Variants in LMBR1 observed in about 807,000 individuals in gnomAD.
LMBR1 encodes limb region 1 protein homolog.
Under a neutral mutation model 73.9 loss-of-function variants are expected in LMBR1, and 52 were observed. The ratio of observed to expected loss-of-function variants is 0.70; its 90% confidence interval spans 0.56 to 0.89. The LOEUF is 0.89. Ranked by LOEUF, LMBR1 falls within the 40% of genes least tolerant of loss-of-function variation. The pLI is 0.00. For synonymous variants in LMBR1, 215 were observed against 209.4 expected (o/e 1.03, Z -0.23); for missense variants, 539 against 579.8 (o/e 0.93, Z 0.72).
Position 156,883,021 on chromosome 7 carries a change from C to T in LMBR1, c.66+9907G>A, listed in dbSNP as rs1008326104. ...ACTCTAGCCTGGGCAACAGACAGTA[C>T]GAGACTCTGACTGAAAAAAAAAATT... On this transcript the variant is annotated intron_variant, in intron 1 of 16. Transcript: ENST00000353442. Among the ~76,000 whole-genome samples the T allele has an allele frequency of 2.0e-5, 3 of 146,636 alleles. No homozygotes were observed. In the Admixed American group the frequency reaches 2.1e-4, roughly 10 times the overall value.
At chr7:156,874,222 C>T (rs1023912863) in intron 1 of LMBR1, among the ~76,000 whole-genome samples, 1 of 152,250 alleles carries the variant, frequency 6.6e-6, no homozygotes, top group African/African-American at 2.4e-5. Flanking sequence ...AGACCCAGCA[C>T]ACCCTCCGCA....
rs184798095 is a variant in LMBR1, at chr7:156,766,798, T to C, written c.424-3003A>G. Reference sequence around the variant, plus strand: ...GAGGCTGAGCCCACTGCTGGCTAGGTTGTCACTCCCTCTCCTCTGAGCGGA... The same window carrying C: ...GAGGCTGAGCCCACTGCTGGCTAGGCTGTCACTCCCTCTCCTCTGAGCGGA... On this transcript the variant is annotated intron_variant, in intron 5 of 16. Coordinates refer to ENST00000353442, the MANE Select transcript of LMBR1 (RefSeq NM_022458.4). 2.3e-3 allele frequency among the ~76,000 whole-genome samples: 355 copies of C among 152,180 alleles called. 2 individuals are homozygous for C. The highest frequency in any genetic ancestry group is 8.0e-3 in the African/African-American group (332 of 41,524).
intron 5 of LMBR1, among the ~76,000 whole-genome samples, chr7:156,781,065 G>C (rs1827048685): frequency 6.6e-6 from 1 of 152,118 alleles, no homozygotes; most frequent in South Asian, 2.1e-4. Context: ...TAATGCAGAA[G>C]ACCATCTTAG....
At chr7:156,697,357 T>C (rs902332662) in intron 15 of LMBR1, among the ~76,000 whole-genome samples, 12 of 152,114 alleles carry the variant, frequency 7.9e-5, no homozygotes, top group African/African-American at 2.2e-4. Context: ...TTGATAAACA[T>C]CTTAAACAAC....
rs1205672704 is a variant in LMBR1, at chr7:156,678,973, G to A, written c.*5105C>T. On this transcript the variant is annotated 3_prime_UTR_variant, in exon 17 of 17. Transcript: ENST00000353442. ...GTTATAATCTAGAATGAGGATACCT[G>A]TCATGAATCTTTATCAACCAGATAA... 1 of 152,174 alleles carries A rather than the reference G, an allele frequency of 6.6e-6. No homozygotes were observed. The highest frequency in any genetic ancestry group is 2.4e-5 in the African/African-American group (1 of 41,440). The allele number at this position is 152,174 out of a possible 1,614,324, so 9.4% of individuals were successfully genotyped here. A position where few individuals can be genotyped will look rare whatever the true frequency, so the allele number is the denominator to read the frequency against.
intron 10 of LMBR1, among the ~76,000 whole-genome samples, chr7:156,729,393 T>C (rs984430255): frequency 6.6e-6 from 1 of 151,896 alleles, no homozygotes; most frequent in Non-Finnish European, 1.5e-5. Flanking sequence ...GGGCTATATT[T>C]GTATTTCATA....
chr7:156,691,436 A>G lies in LMBR1; in HGVS notation c.1226-3245T>C, dbSNP rs536272258. 5.4e-4 allele frequency among the ~76,000 whole-genome samples: 82 copies of G among 152,330 alleles called. 1 individual carries two copies. The highest frequency in any genetic ancestry group is 1.9e-3 in the African/African-American group (80 of 41,574). On this transcript the variant is annotated intron_variant, in intron 15 of 16. Coordinates refer to ENST00000353442, the MANE Select transcript of LMBR1 (RefSeq NM_022458.4). ...ATGATCTTTTTCTATTCATACCTAT[A>G]AAAGAATTAACATACAGAATAAAAT...
At chr7:156,746,067 A>T (rs1447010831) in intron 9 of LMBR1, among the ~76,000 whole-genome samples, 1 of 152,158 alleles carries the variant, frequency 6.6e-6, no homozygotes, top group African/African-American at 2.4e-5. Flanking sequence ...TTTCCATATA[A>T]TGTGATTTAC....
At chr7:156,793,411 T>C (rs1363044195) in intron 5 of LMBR1, among the ~76,000 whole-genome samples, 1 of 152,218 alleles carries the variant, frequency 6.6e-6, no homozygotes, top group African/African-American at 2.4e-5. Context: ...TTGATTAGCT[T>C]AATTTTAAAA....
At chr7:156,736,443 A>G (rs1013054936) in intron 9 of LMBR1, 2 of 446,658 alleles carry the variant, frequency 4.5e-6, no homozygotes. Flanking sequence ...TAAAGGTTTT[A>G]TCTTTATCAA....
intron 9 of LMBR1, among the ~76,000 whole-genome samples, chr7:156,742,600 C>T (rs952360480): frequency 5.9e-5 from 9 of 152,096 alleles, no homozygotes; most frequent in African/African-American, 1.4e-4. Flanking sequence ...TAATAAGTAA[C>T]GAGATCAAAC....
chr7:156,831,726 T>C (rs1462878011), intron 3 of LMBR1, among the ~76,000 whole-genome samples: 1 of 152,184 alleles, frequency 6.6e-6, no homozygotes, highest in Non-Finnish European at 1.5e-5. Flanking sequence ...GCATCTACCA[T>C]AAGGAAACAG....
At chr7:156,857,399 T>C (rs1306793772) in intron 1 of LMBR1, among the ~76,000 whole-genome samples, 1 of 152,020 alleles carries the variant, frequency 6.6e-6, no homozygotes, top group Non-Finnish European at 1.5e-5. Flanking sequence ...CAGCAATACA[T>C]AGTAATAAGG....
chr7:156,775,874 GC>G (rs1826036100), intron 5 of LMBR1, among the ~76,000 whole-genome samples: 1 of 151,704 alleles, frequency 6.6e-6, no homozygotes, highest in African/African-American at 2.4e-5. Flanking sequence ...CTGGTTAAGA[GC>G]CCCAATGCCA....
At chr7:156,810,424 G>A (rs544799587) in intron 4 of LMBR1, among the ~76,000 whole-genome samples, 4 of 152,066 alleles carry the variant, frequency 2.6e-5, no homozygotes, top group South Asian at 4.2e-4. Flanking sequence ...ATAGTGTCTC[G>A]CTCTGTCCTC....
chr7:156,876,823 T>C (rs953794172), intron 1 of LMBR1, among the ~76,000 whole-genome samples: 1 of 152,064 alleles, frequency 6.6e-6, no homozygotes, highest in Non-Finnish European at 1.5e-5. Flanking sequence ...GCAAAGGCGG[T>C]GCTAAGAGGA....
chr7:156,675,804 TTGG>T, downstream of LMBR1: 1 of 1,614,008 alleles, frequency 6.2e-7, no homozygotes, highest in Middle Eastern at 1.6e-4. Flanking sequence ...TCTTCAGCAG[TTGG>T]AAGAAAAATG....
chr7:156,674,561 T>A (rs953490592), downstream of LMBR1, among the ~76,000 whole-genome samples: 4 of 152,178 alleles, frequency 2.6e-5, no homozygotes, highest in African/African-American at 9.6e-5. Flanking sequence ...GGCCACTCTG[T>A]AATGACTCAG....
chr7:156,799,567 T>C (rs1244600713), intron 4 of LMBR1, among the ~76,000 whole-genome samples: 1 of 140,222 alleles, frequency 7.1e-6, no homozygotes, highest in Non-Finnish European at 1.6e-5. Context: ...TTCATCTCTC[T>C]CCTTCTCCTA....
Sources: gnomAD v4.1 joint callset for allele counts (sites outside exome capture counted in the v4.1 genomes callset) on GRCh38, gnomAD v4.1.1 for gene constraint, MANE v1.5 for transcripts, NCBI Gene and HGNC (gene_info 2026-07-23, HGNC 2026-07-21) for gene names.